The following SEMA5A variants were observed in gnomAD, a reference collection of about 807,000 sequenced individuals.
SEMA5A encodes semaphorin-5A.
In SEMA5A, 55 loss-of-function variants were observed where a neutral mutation model predicts 135.5. That is an observed-to-expected ratio of 0.41 (90% CI 0.33 to 0.51). SEMA5A has a LOEUF of 0.51. Ranked by LOEUF, SEMA5A falls within the 20% of genes least tolerant of loss-of-function variation. SEMA5A has a pLI of 0.37. For missense variants in SEMA5A, 1,290 were observed against 1,419.9 expected (o/e 0.91, Z 1.47); for synonymous variants, 580 against 546.5 (o/e 1.06, Z -0.85).
At chr5:9,271,363 A>G (rs934830528) in intron 5 of SEMA5A, among the ~76,000 whole-genome samples, 2 of 152,128 alleles carry the variant, frequency 1.3e-5, no homozygotes, top group South Asian at 4.1e-4. Flanking sequence ...TTATAGCACT[A>G]TGAGAATGAA....
intron 2 of SEMA5A, among the ~76,000 whole-genome samples, chr5:9,431,508 G>A (rs1757854382): frequency 1.3e-5 from 2 of 152,172 alleles, no homozygotes; most frequent in Admixed American, 1.3e-4. Context: ...GGCCTCGGAG[G>A]CTCAAAAAGA....
chr5:9,503,331 C>T (rs1444869208), intron 1 of SEMA5A, among the ~76,000 whole-genome samples: 2 of 152,110 alleles, frequency 1.3e-5, no homozygotes, highest in Non-Finnish European at 2.9e-5. Context: ...AAAAGAGCCC[C>T]GAGGGCTCCA....
At chr5:9,314,040 C>A (rs1224737024) in intron 5 of SEMA5A, among the ~76,000 whole-genome samples, 1 of 152,168 alleles carries the variant, frequency 6.6e-6, no homozygotes, top group Non-Finnish European at 1.5e-5. Context: ...ACATTCATTT[C>A]TCATTGTCTC....
chr5:9,503,391 G>C (rs1735694802), intron 1 of SEMA5A, among the ~76,000 whole-genome samples: 1 of 152,216 alleles, frequency 6.6e-6, no homozygotes, highest in South Asian at 2.1e-4. Flanking sequence ...GGGAAAGCCT[G>C]TCTGTATCTA....
At chr5:9,280,844 AC>A (rs1415026143) in intron 5 of SEMA5A, 2 of 423,474 alleles carry the variant, frequency 4.7e-6, no homozygotes, top group Non-Finnish European at 9.4e-6. Context: ...ATAAAATGTA[AC>A]GTTTTAGCAA....
At chr5:9,298,603 T>C (rs879672292) in intron 5 of SEMA5A, among the ~76,000 whole-genome samples, 14 of 152,238 alleles carry the variant, frequency 9.2e-5, no homozygotes, top group Non-Finnish European at 2.1e-4. Flanking sequence ...TAAGTAATCT[T>C]TAAAACTTAC....
At chr5:9,087,197 G>A (rs564222089) in intron 16 of SEMA5A, among the ~76,000 whole-genome samples, 1 of 152,290 alleles carries the variant, frequency 6.6e-6, no homozygotes, top group Admixed American at 6.5e-5. Context: ...CCCCAATCCT[G>A]GCTGCCATTA....
rs555066611 is a variant in SEMA5A, at chr5:9,526,069, G to A, written c.-175+19515C>T. Among the ~76,000 whole-genome samples the A allele has an allele frequency of 3.9e-5, 6 of 152,242 alleles. No individual in the cohort carries two copies. The East Asian group carries it at 1.2e-3, about 29-fold the overall frequency. ...TCAAATAGAAAAGTAATCAAAAGGAGCCTTTTCTGCTTCATTAATAGGCCA... is the reference window on the plus strand; with the variant it reads ...TCAAATAGAAAAGTAATCAAAAGGAACCTTTTCTGCTTCATTAATAGGCCA... On this transcript the variant is annotated intron_variant, in intron 1 of 22. Transcript: ENST00000382496.
intron 6 of SEMA5A, among the ~76,000 whole-genome samples, chr5:9,232,223 G>A (rs1276850325): frequency 6.6e-6 from 1 of 152,036 alleles, no homozygotes; most frequent in Admixed American, 6.6e-5. Flanking sequence ...GGATCCCTCA[G>A]GTATCTCTTC....
intron 5 of SEMA5A, among the ~76,000 whole-genome samples, chr5:9,253,917 A>T (rs1030566512): frequency 6.6e-6 from 1 of 152,214 alleles, no homozygotes; most frequent in South Asian, 2.1e-4. Context: ...TAGCATGATC[A>T]TCCTAAGATA....
chr5:9,422,548 T>G (rs984513385), intron 2 of SEMA5A: 2 of 151,976 alleles, frequency 1.3e-5, no homozygotes, highest in Admixed American at 6.6e-5. Flanking sequence ...TCTTTACAGA[T>G]AAAAACAAAA....
intron 5 of SEMA5A, chr5:9,280,929 C>A: frequency 5.1e-6 from 1 of 197,200 alleles, no homozygotes; most frequent in Non-Finnish European, 1.1e-5. Flanking sequence ...TTAATTTAAC[C>A]CAATTCTTCA....
chr5:9,345,742 T>A (rs960811154), intron 3 of SEMA5A, among the ~76,000 whole-genome samples: 3 of 152,152 alleles, frequency 2.0e-5, no homozygotes, highest in Non-Finnish European at 2.9e-5. Context: ...GTGAAGTAGA[T>A]TAAGCTTTCC....
At chr5:9,379,796 T>C in intron 3 of SEMA5A, 27 bp downstream of exon 3, 5 of 1,603,718 alleles carry the variant, frequency 3.1e-6, no homozygotes, top group Non-Finnish European at 4.3e-6. Context: ...ATGACGGCTT[T>C]GCAATCAGTG....
intron 2 of SEMA5A, among the ~76,000 whole-genome samples, chr5:9,413,217 A>G (rs1386255463): frequency 6.6e-6 from 1 of 152,180 alleles, no homozygotes; most frequent in Non-Finnish European, 1.5e-5. Flanking sequence ...CATTTCTCAA[A>G]TTGTCATGGG....
intron 3 of SEMA5A, among the ~76,000 whole-genome samples, chr5:9,361,307 A>AG (rs1253830692): frequency 1.3e-5 from 2 of 149,024 alleles, no homozygotes; most frequent in African/African-American, 5.1e-5. Context: ...TCAAAAAAAA[A>AG]AAAAAAATTG....
At chr5:9,167,650 G>A (rs1158804788) in intron 11 of SEMA5A, among the ~76,000 whole-genome samples, 3 of 152,182 alleles carry the variant, frequency 2.0e-5, no homozygotes, top group Admixed American at 6.5e-5. Context: ...TGGTCCGGGT[G>A]GAGTGGGAAC....
chr5:9,283,470 T>C (rs1750643792), intron 5 of SEMA5A, among the ~76,000 whole-genome samples: 1 of 152,210 alleles, frequency 6.6e-6, no homozygotes, highest in Non-Finnish European at 1.5e-5. Flanking sequence ...GCTGTGGCCC[T>C]TTTAAAGACT....
At chr5:9,418,916 T>C (rs1385366627) in intron 2 of SEMA5A, among the ~76,000 whole-genome samples, 1 of 152,212 alleles carries the variant, frequency 6.6e-6, no homozygotes, top group Non-Finnish European at 1.5e-5. Flanking sequence ...CAGGTTGATG[T>C]GTTCTTTCCT....
Sources: allele counts gnomAD v4.1 joint callset (sites outside exome capture counted in the v4.1 genomes callset), GRCh38; gene constraint gnomAD v4.1.1; transcripts MANE v1.5; gene names NCBI Gene and HGNC (gene_info 2026-07-23, HGNC 2026-07-21).